Variants in IGF1R observed in about 807,000 individuals in gnomAD.
IGF1R encodes insulin like growth factor 1 receptor.
Under a neutral mutation model 144.6 loss-of-function variants are expected in IGF1R, and 44 were observed. The observed-to-expected ratio is 0.30, with a 90% CI of 0.24 to 0.39. IGF1R has a LOEUF of 0.39. Ranked by LOEUF, IGF1R falls within the 10% of genes least tolerant of loss-of-function variation. The pLI, the probability that IGF1R is intolerant of heterozygous loss-of-function variation, is 1.00. For missense variants in IGF1R, 1,355 were observed against 1,833.7 expected, an observed-to-expected ratio of 0.74 and a Z score of 4.77; for synonymous variants, 795 against 722.8, an observed-to-expected ratio of 1.10 and a Z score of -1.60.
intron 2 of IGF1R, among the ~76,000 whole-genome samples, chr15:98,768,486 G>C (rs188810587): frequency 6.6e-6 from 1 of 151,078 alleles, no homozygotes; most frequent in Non-Finnish European, 1.5e-5. Flanking sequence ...GTGGTGGTGC[G>C]TGCCTATAAT....
chr15:98,723,571 GA>G (rs2054292054), intron 2 of IGF1R, among the ~76,000 whole-genome samples: 1 of 152,206 alleles, frequency 6.6e-6, no homozygotes, highest in Non-Finnish European at 1.5e-5. Context: ...AGGGAGTTTT[GA>G]AGCTAGCTGG....
intron 1 of IGF1R, among the ~76,000 whole-genome samples, chr15:98,692,797 C>T (rs1317585430): frequency 2.6e-5 from 4 of 152,290 alleles, no homozygotes; most frequent in African/African-American, 9.6e-5. Flanking sequence ...TGTTTACCAC[C>T]TGATACATTG....
chr15:98,716,482 A>G (rs1260974808), intron 2 of IGF1R, among the ~76,000 whole-genome samples: 2 of 152,254 alleles, frequency 1.3e-5, no homozygotes, highest in East Asian at 1.9e-4. Flanking sequence ...AACCCCAAGT[A>G]GAAACCCAAA....
chr15:98,881,815 C>T (rs1332496082), intron 2 of IGF1R, among the ~76,000 whole-genome samples: 3 of 152,080 alleles, frequency 2.0e-5, no homozygotes, highest in African/African-American at 7.2e-5. Context: ...CCCTTGTGAT[C>T]ATTAGGGGGA....
intron 10 of IGF1R, among the ~76,000 whole-genome samples, chr15:98,920,873 C>T (rs1334071793): frequency 3.9e-5 from 6 of 152,170 alleles, no homozygotes; most frequent in Non-Finnish European, 7.4e-5. Context: ...GGCCCTTTCC[C>T]AAAGCCCTCT....
intron 2 of IGF1R, chr15:98,820,825 C>T (rs193275675): frequency 6.6e-6 from 1 of 152,138 alleles, no homozygotes; most frequent in African/African-American, 2.4e-5. Flanking sequence ...CCTCGAAGGC[C>T]TGAGTACGTT....
chr15:98,877,604 G>A (rs1410741933), intron 2 of IGF1R, among the ~76,000 whole-genome samples: 2 of 143,812 alleles, frequency 1.4e-5, no homozygotes, highest in Middle Eastern at 6.8e-3. Flanking sequence ...ACAAGTGATT[G>A]TGCAAAATTG....
chr15:98,807,424 A>G (rs928743179), intron 2 of IGF1R, among the ~76,000 whole-genome samples: 5 of 152,242 alleles, frequency 3.3e-5, no homozygotes, highest in Non-Finnish European at 7.3e-5. Flanking sequence ...ACATTATGCA[A>G]TAAATGCACT....
intron 2 of IGF1R, among the ~76,000 whole-genome samples, chr15:98,765,308 CTTTTTTTTTTTTTTT>C (rs139280569): frequency 3.6e-4 from 22 of 61,814 alleles, no homozygotes; most frequent in Non-Finnish European, 6.0e-4. Context: ...ATGCCAACAC[CTTTTTTTTTTTTTTT>C]TTTTTTTTTT....
intron 2 of IGF1R, among the ~76,000 whole-genome samples, chr15:98,773,238 T>C (rs1193472212): frequency 6.6e-6 from 1 of 152,164 alleles, no homozygotes; most frequent in Admixed American, 6.5e-5. Flanking sequence ...CCAGAGAGTG[T>C]TGGGGGCTGT....
In IGF1R at chr15:98,924,691, CT is replaced by C; in HGVS notation, c.2782+9del. 6 of 1,611,414 alleles carry C rather than the reference CT, an allele frequency of 3.7e-6. No homozygotes were observed. The highest frequency in any genetic ancestry group is 5.1e-6 in the Non-Finnish European group (6 of 1,179,180). Reference sequence around the variant, plus strand: ...TTCTATGTCCAGGCCAAAAGTAAGGCTTGTGGAGGGAGAAGAAACGTGGTAA... The same window carrying C: ...TTCTATGTCCAGGCCAAAAGTAAGGCTGTGGAGGGAGAAGAAACGTGGTAA... On this transcript the variant is annotated splice_region_variant and intron_variant, in intron 13 of 20. Coordinates refer to ENST00000650285, the MANE Select transcript of IGF1R (RefSeq NM_000875.5).
At position 98,959,820 on chromosome 15, in the gene IGF1R, T is replaced by C. The variant is rs1319567328; in HGVS notation, c.*2378T>C. ...GCTGGTCAGCAGTTTGTCCCACTGC[T>C]TTCTCTAGTCTCTATCCCATAGCGT... On this transcript the variant is annotated 3_prime_UTR_variant, in exon 21 of 21. Transcript: ENST00000650285. 4.3e-6 allele frequency: 1 copy of C among 232,706 alleles called. No homozygotes were observed. Among genetic ancestry groups the C allele is most frequent in the Non-Finnish European group, 8.5e-6 (1 of 118,000 alleles). 14.4% of individuals were successfully genotyped at this position (232,706 alleles called of 1,614,324 possible). A position where few individuals can be genotyped will look rare whatever the true frequency, so the allele number is the denominator to read the frequency against.
At chr15:98,917,909 G>A (rs895549605) in intron 10 of IGF1R, among the ~76,000 whole-genome samples, 21 of 152,180 alleles carry the variant, frequency 1.4e-4, no homozygotes, top group Non-Finnish European at 1.5e-5. Flanking sequence ...TTTGGAAATA[G>A]ATAATGATGA....
intron 5 of IGF1R, chr15:98,900,687 C>T (rs990868149): frequency 3.9e-5 from 6 of 152,236 alleles, no homozygotes; most frequent in South Asian, 4.1e-4. Flanking sequence ...CATTGCAAAT[C>T]GAAGGAGGCT....
chr15:98,708,545 G>C (rs931370222), intron 2 of IGF1R, among the ~76,000 whole-genome samples: 1 of 152,196 alleles, frequency 6.6e-6, no homozygotes. Flanking sequence ...TGTTCTGCAG[G>C]ACTTCCTTAG....
At chr15:98,789,937 A>C (rs2056090733) in intron 2 of IGF1R, among the ~76,000 whole-genome samples, 1 of 152,038 alleles carries the variant, frequency 6.6e-6, no homozygotes, top group African/African-American at 2.4e-5. Flanking sequence ...CTTCAGATGT[A>C]CTCTGTCTGC....
chr15:98,664,657 C>T (rs944280027), intron 1 of IGF1R, among the ~76,000 whole-genome samples: 1 of 145,208 alleles, frequency 6.9e-6, no homozygotes. Context: ...CGCGCCACTG[C>T]ACTCCAGCCT....
At chr15:98,772,699 T>A (rs910768904) in intron 2 of IGF1R, among the ~76,000 whole-genome samples, 2 of 150,330 alleles carry the variant, frequency 1.3e-5, no homozygotes, top group African/African-American at 2.4e-5. Flanking sequence ...TTTGAAGAGG[T>A]GAGATTATAG....
At chr15:98,834,155 T>C (rs992842210) in intron 2 of IGF1R, among the ~76,000 whole-genome samples, 1 of 152,248 alleles carries the variant, frequency 6.6e-6, no homozygotes, top group Non-Finnish European at 1.5e-5. Context: ...AAGTTACAAG[T>C]TTACAGCTTG....
Sources: gnomAD v4.1 joint callset for allele counts (sites outside exome capture counted in the v4.1 genomes callset) on GRCh38, gnomAD v4.1.1 for gene constraint, MANE v1.5 for transcripts, NCBI Gene and HGNC (gene_info 2026-07-23, HGNC 2026-07-21) for gene names.